BLTP3B: variants seen among roughly 807,000 people sequenced by gnomAD.
BLTP3B encodes bridge-like lipid transfer protein family member 3B.
the BLTP3B span, among the ~76,000 whole-genome samples, chr12:100,123,126 G>C: frequency 1.3e-5 from 2 of 152,144 alleles, no homozygotes; most frequent in Non-Finnish European, 2.9e-5. Context: ...AGCTCCAAGA[G>C]AGCAGGGATC....
At chr12:100,138,125 G>A in the BLTP3B span, among the ~76,000 whole-genome samples, 1 of 152,144 alleles carries the variant, frequency 6.6e-6, no homozygotes, top group African/African-American at 2.4e-5. Context: ...GCACAGAACA[G>A]CCTTCACAAC....
the BLTP3B span, among the ~76,000 whole-genome samples, chr12:100,112,758 G>A: frequency 1.3e-5 from 2 of 151,760 alleles, no homozygotes; most frequent in Middle Eastern, 3.4e-3. Flanking sequence ...ATCTCAGGAG[G>A]CTGAGGCAGG....
the BLTP3B span, chr12:100,102,700 C>CTTTTTT: frequency 4.3e-6 from 3 of 704,908 alleles, no homozygotes; most frequent in Middle Eastern, 2.9e-4. Context: ...GAGGTTAAGG[C>CTTTTTT]TTTTTTTTTT....
the BLTP3B span, among the ~76,000 whole-genome samples, chr12:100,055,456 C>T: frequency 6.6e-6 from 1 of 152,000 alleles, no homozygotes. Flanking sequence ...ATGGGAGGAT[C>T]ACCTGAGGCC....
the BLTP3B span, among the ~76,000 whole-genome samples, chr12:100,085,250 C>T: frequency 1.3e-5 from 2 of 151,918 alleles, no homozygotes; most frequent in African/African-American, 4.8e-5. Context: ...CAGTGGCTCA[C>T]ATCTGTAATC....
At chr12:100,072,538 C>T in the BLTP3B span, 3 of 797,400 alleles carry the variant, frequency 3.8e-6, no homozygotes, top group Non-Finnish European at 5.3e-6. Flanking sequence ...GAGATGCTAG[C>T]TCTCAAAAAA....
chr12:100,059,587 A>T, the BLTP3B span: 1 of 1,500,642 alleles, frequency 6.7e-7, no homozygotes, highest in Non-Finnish European at 8.9e-7. Context: ...TACATCTTGA[A>T]GATAAAAGAA....
chr12:100,059,122 C>G, the BLTP3B span: 1 of 1,613,990 alleles, frequency 6.2e-7, no homozygotes, highest in Non-Finnish European at 8.5e-7. Flanking sequence ...AATGAGTCTA[C>G]AAAACTTATT....
At chr12:100,085,548 T>G in the BLTP3B span, among the ~76,000 whole-genome samples, 6 of 152,258 alleles carry the variant, frequency 3.9e-5, no homozygotes, top group South Asian at 1.2e-3. Context: ...AACTTTTAAA[T>G]TTAATCAGGT....
the BLTP3B span, chr12:100,048,065 T>C: frequency 1.3e-5 from 21 of 1,613,110 alleles, no homozygotes; most frequent in East Asian, 6.7e-5. Flanking sequence ...GTGCTGAAGT[T>C]TTCTATGTGG....
At chr12:100,125,473 A>G in the BLTP3B span, among the ~76,000 whole-genome samples, 74 of 152,160 alleles carry the variant, frequency 4.9e-4, no homozygotes, top group South Asian at 0.015. Context: ...AAACATAGGG[A>G]GACCCCATCT....
chr12:100,121,191 T>C, the BLTP3B span, among the ~76,000 whole-genome samples: 10 of 151,330 alleles, frequency 6.6e-5, no homozygotes, highest in Non-Finnish European at 1.2e-4. Flanking sequence ...CTACTAAAAA[T>C]ACAGAATTTT....
the BLTP3B span, among the ~76,000 whole-genome samples, chr12:100,063,859 G>T: frequency 2.0e-5 from 3 of 152,068 alleles, no homozygotes; most frequent in African/African-American, 7.2e-5. Flanking sequence ...AACAACTCTG[G>T]TAATATGACA....
At chr12:100,097,877 G>A in the BLTP3B span, among the ~76,000 whole-genome samples, 3 of 152,122 alleles carry the variant, frequency 2.0e-5, no homozygotes, top group Admixed American at 1.3e-4. Flanking sequence ...ATTTACTAGA[G>A]TAAAGACATT....
chr12:100,096,448 A>G, the BLTP3B span, among the ~76,000 whole-genome samples: 3 of 152,162 alleles, frequency 2.0e-5, no homozygotes, highest in East Asian at 5.8e-4. Flanking sequence ...AAGATTCAAT[A>G]GAAGAAATGA....
At chr12:100,136,861 G>T in the BLTP3B span, among the ~76,000 whole-genome samples, 3 of 151,598 alleles carry the variant, frequency 2.0e-5, no homozygotes, top group Non-Finnish European at 4.4e-5. Context: ...GCCCAGGCTG[G>T]AGTGCAATGG....
At chr12:100,060,785 T>C in the BLTP3B span, among the ~76,000 whole-genome samples, 6 of 152,206 alleles carry the variant, frequency 3.9e-5, no homozygotes, top group African/African-American at 1.4e-4. Context: ...ACCTTGAAGA[T>C]CTTTTATTCT....
the BLTP3B span, among the ~76,000 whole-genome samples, chr12:100,115,728 C>T: frequency 6.6e-6 from 1 of 151,962 alleles, no homozygotes; most frequent in African/African-American, 2.4e-5. Context: ...TGCCACTGTA[C>T]TCCAGCCTTG....
the BLTP3B span, among the ~76,000 whole-genome samples, chr12:100,062,787 T>A: frequency 6.6e-6 from 1 of 151,724 alleles, no homozygotes; most frequent in Non-Finnish European, 1.5e-5. Context: ...CAGAGTGAGA[T>A]CTTGTATCTA....
Sources: gnomAD v4.1 joint callset for allele counts (sites outside exome capture counted in the v4.1 genomes callset) on GRCh38, gnomAD v4.1.1 for gene constraint, MANE v1.5 for transcripts, NCBI Gene and HGNC (gene_info 2026-07-23, HGNC 2026-07-21) for gene names.